Variants in CDK11B observed in about 807,000 individuals in gnomAD.
The protein encoded by CDK11B is cyclin dependent kinase 11B.
Under a neutral mutation model 84.0 loss-of-function variants are expected in CDK11B, and 37 were observed. The ratio of observed to expected loss-of-function variants is 0.44; its 90% CI spans 0.34 to 0.58. The LOEUF is 0.58. CDK11B is among the 20% of genes least tolerant of loss of function. The probability of loss-of-function intolerance (pLI) is 0.02; values close to 1 mark genes in which losing one functional copy is unlikely to be tolerated. For missense variants in CDK11B, 427 were observed against 834.0 expected (o/e 0.51, Z 6.01); for synonymous variants, 269 against 309.8 (o/e 0.87, Z 1.38).
At chr1:1,647,143 AT>A (rs1238169358) in intron 5 of CDK11B, among the ~76,000 whole-genome samples, 1 of 151,974 alleles carries the variant, frequency 6.6e-6, no homozygotes. Flanking sequence ...GGCTCTGTGC[AT>A]TTTTCTTGTT....
intron 4 of CDK11B, among the ~76,000 whole-genome samples, chr1:1,649,840 TGGCA>T (rs1641659117): frequency 6.7e-6 from 1 of 149,332 alleles, no homozygotes; most frequent in Admixed American, 6.7e-5. Flanking sequence ...CTGGGCGTGG[TGGCA>T]GGCACCTGTA....
chr1:1,658,974 G>A lies in CDK11B; in HGVS notation c.-74C>T. Reference sequence around the variant, plus strand: ...CGGTCCCGGAGCCAGAGAAGAAACAGCAACCGGCGCGCGCCAAAAGTATCG... The same window carrying A: ...CGGTCCCGGAGCCAGAGAAGAAACAACAACCGGCGCGCGCCAAAAGTATCG... On this transcript the variant is annotated 5_prime_UTR_variant, in exon 1 of 20. Transcript: ENST00000341832. 2 of 198,822 alleles carry A rather than the reference G, an allele frequency of 1.0e-5. No individual in the cohort carries two copies. 12.3% of individuals were successfully genotyped at this position (198,822 alleles called of 1,614,324 possible).
Position 1,635,359 on chromosome 1 carries a change from G to C in CDK11B, c.*405C>G, listed in dbSNP as rs1408768776. On this transcript the variant is annotated 3_prime_UTR_variant, in exon 20 of 20. Coordinates refer to ENST00000341832, the MANE Select transcript of CDK11B (RefSeq NM_033486.3). ...GTGGACAGGGCTGGTCTGGACGAGT[G>C]GGTTGGGGCAAGAGGGCATCGCTCA... is the stretch of plus-strand genomic sequence containing the variant. The C allele has an allele frequency of 3.5e-4, 23 of 66,608 alleles. No individual in the cohort carries two copies. Among genetic ancestry groups the C allele is most frequent in the Admixed American group, 1.4e-4 (1 of 7,274 alleles). The allele number at this position is 66,608 out of a possible 1,614,324, so 4.1% of individuals were successfully genotyped here.
At chr1:1,643,491 A>C (rs1463831636) in intron 6 of CDK11B, among the ~76,000 whole-genome samples, 2 of 150,922 alleles carry the variant, frequency 1.3e-5, no homozygotes, top group Non-Finnish European at 2.9e-5. Flanking sequence ...GGAAAAAAAG[A>C]AGCCAACAGA....
rs756807548 is a variant in CDK11B, at chr1:1,637,214, G to A, written c.1571-12C>T. On this transcript the variant is annotated splice_polypyrimidine_tract_variant and intron_variant, in intron 14 of 19. Coordinates refer to ENST00000341832, the MANE Select transcript of CDK11B (RefSeq NM_033486.3). Reference sequence around the variant, plus strand: ...GGTCTTCACCTCCCCTGGGAGGGAGGGAAGCTCCCATGTGGACCTGGCTGC... The same window carrying A: ...GGTCTTCACCTCCCCTGGGAGGGAGAGAAGCTCCCATGTGGACCTGGCTGC... The A allele has an allele frequency of 3.1e-6, 5 of 1,612,786 alleles. No individual in the cohort carries two copies. The highest frequency in any genetic ancestry group is 2.7e-5 in the African/African-American group (2 of 74,996).
At chr1:1,657,166 A>G in intron 2 of CDK11B, 1 of 1,594,274 alleles carries the variant, frequency 6.3e-7, no homozygotes, top group Non-Finnish European at 8.6e-7. Context: ...TGCTCAATCT[A>G]GACACAGCTT....
At chr1:1,639,003 A>T (rs1639834769) in intron 11 of CDK11B, among the ~76,000 whole-genome samples, 1 of 131,882 alleles carries the variant, frequency 7.6e-6, no homozygotes, top group Admixed American at 8.2e-5. Flanking sequence ...TGCAATGGTG[A>T]GATCTCGGCT....
At chr1:1,653,909 T>A (rs1158262952) in intron 3 of CDK11B, among the ~76,000 whole-genome samples, 2 of 151,424 alleles carry the variant, frequency 1.3e-5, no homozygotes, top group South Asian at 2.1e-4. Context: ...CTCAGGAGTC[T>A]GAGGCAGGAG....
At chr1:1,637,040 G>A (rs761339025) in intron 15 of CDK11B, 36 bp from the exon 16 acceptor site, 22 of 1,613,224 alleles carry the variant, frequency 1.4e-5, no homozygotes, top group South Asian at 6.6e-5. Context: ...AGTGGGCCCC[G>A]GCAGGTCTCC....
intron 4 of CDK11B, among the ~76,000 whole-genome samples, chr1:1,649,866 TAAG>T (rs1641665406): frequency 3.4e-5 from 5 of 146,384 alleles, no homozygotes; most frequent in East Asian, 4.0e-4. Context: ...TCCCAGCTAC[TAAG>T]CGAGGCTGAG....
At chr1:1,654,851 G>A (rs1642518780) in intron 3 of CDK11B, among the ~76,000 whole-genome samples, 1 of 150,178 alleles carries the variant, frequency 6.7e-6, no homozygotes, top group Non-Finnish European at 1.5e-5. Flanking sequence ...GTAGAGACGG[G>A]GTTTCACTGT....
intron 4 of CDK11B, 24 bp downstream of exon 4, chr1:1,652,415 C>CA (rs1642137232): frequency 2.0e-5 from 30 of 1,484,678 alleles, no homozygotes; most frequent in Non-Finnish European, 2.6e-5. Flanking sequence ...AACATGATGT[C>CA]AAAGAAAGTA....
intron 2 of CDK11B, among the ~76,000 whole-genome samples, 178 bp from the exon 3 acceptor site, chr1:1,655,662 G>A (rs1275235259): frequency 1.4e-4 from 21 of 152,092 alleles, no homozygotes. Context: ...GGTGGCTCAC[G>A]CTTGTAATCC....
At chr1:1,636,657 G>C (rs762196646) in intron 17 of CDK11B, 25 bp downstream of exon 17, 1 of 1,613,232 alleles carries the variant, frequency 6.2e-7, no homozygotes, top group African/African-American at 1.3e-5. Flanking sequence ...ACCCCACAGC[G>C]CACCTGCAGC....
chr1:1,636,422 C>G lies in CDK11B; in HGVS notation c.1977G>C (p.Lys659Asn). The G allele has an allele frequency of 6.2e-7, 1 of 1,613,012 alleles. No homozygotes were observed. The highest frequency in any genetic ancestry group is 1.1e-5 in the South Asian group (1 of 90,904). ...WPGYSELPAV[K>N]KMTFSEHPYN... The stretch of plus-strand genomic sequence containing the variant: ...AGGGGTGCTCGCTGAAGGTCATCTT[C>G]TTGACTGCTGGGAGCTCGCTGTAGC... The change falls in exon 18 of 20, where the codon AAG becomes AAC. Residue 659 changes from lysine to asparagine, a missense_variant. Lys to Asn is a moderately conservative substitution (Grantham distance 94). This residue lies in a region of CDK11B where 170 missense variants were observed against 196.0 expected (regional missense o/e 0.87). Transcript: ENST00000341832.
chr1:1,646,336 T>G (rs921287706), intron 5 of CDK11B: 3 of 457,622 alleles, frequency 6.6e-6, no homozygotes, highest in African/African-American at 6.1e-5. Flanking sequence ...CCATTTTAAT[T>G]TATTTGTACT....
intron 1 of CDK11B, among the ~76,000 whole-genome samples, chr1:1,658,199 G>A (rs1570273066): frequency 6.7e-6 from 1 of 149,996 alleles, no homozygotes; most frequent in Non-Finnish European, 1.5e-5. Context: ...TAAGTTGTAA[G>A]CCAGGCAAGG....
At chr1:1,651,282 G>C (rs1641966924) in intron 4 of CDK11B, among the ~76,000 whole-genome samples, 1 of 152,204 alleles carries the variant, frequency 6.6e-6, no homozygotes, top group African/African-American at 2.4e-5. Context: ...ACAATATAAT[G>C]GGGGAGAGAA....
intron 11 of CDK11B, among the ~76,000 whole-genome samples, chr1:1,639,443 CTT>C (rs1639913698): frequency 6.6e-6 from 1 of 151,842 alleles, no homozygotes; most frequent in South Asian, 2.1e-4. Context: ...CCAAGAGTCT[CTT>C]TGTCAAACTG....
Sources: allele counts gnomAD v4.1 joint callset (sites outside exome capture counted in the v4.1 genomes callset), GRCh38; gene constraint gnomAD v4.1.1; regional missense constraint gnomAD v4.1.1; transcripts MANE v1.5; gene names NCBI Gene and HGNC (gene_info 2026-07-23, HGNC 2026-07-21).